Variants in AUTS2 observed in about 807,000 individuals in gnomAD.
The protein encoded by AUTS2 is autism susceptibility gene 2 protein.
Under a neutral mutation model 112.4 loss-of-function variants are expected in AUTS2, and 17 were observed. The ratio of observed to expected loss-of-function variants is 0.15; its 90% CI spans 0.10 to 0.23. The LOEUF (loss-of-function observed/expected upper bound fraction) is 0.23. Ranked by LOEUF, AUTS2 falls within the 10% of genes least tolerant of loss-of-function variation. The pLI is 1.00. For missense variants in AUTS2, 1,510 were observed against 1,701.6 expected (o/e 0.89, Z 1.98); for synonymous variants, 751 against 702.7 (o/e 1.07, Z -1.09).
At chr7:70,326,559 T>C (rs928183449) in intron 4 of AUTS2, among the ~76,000 whole-genome samples, 1 of 152,202 alleles carries the variant, frequency 6.6e-6, no homozygotes, top group African/African-American at 2.4e-5. Context: ...GGGCTAAGGT[T>C]GGTCATGGCT....
intron 5 of AUTS2, among the ~76,000 whole-genome samples, chr7:70,475,085 G>A (rs1031479695): frequency 2.0e-5 from 3 of 152,160 alleles, no homozygotes; most frequent in Non-Finnish European, 4.4e-5. Context: ...TCTGCCCAGG[G>A]GCCTGGCATG....
rs75586708 is a variant in AUTS2, at chr7:70,638,507, C to T, written c.691-60062C>T. On this transcript the variant is annotated intron_variant, in intron 5 of 18. Coordinates refer to ENST00000342771, the MANE Select transcript of AUTS2 (RefSeq NM_015570.4). ...CAAATGAACTTTTCAAGAATTATGC[C>T]GTCGTTGGCATTACAGTATTACACA... is the stretch of plus-strand genomic sequence containing the variant. Among the ~76,000 whole-genome samples, 876 of 152,106 alleles carry T rather than the reference C, an allele frequency of 5.8e-3. 9 individuals carry two copies. The highest frequency in any genetic ancestry group is 0.02 in the African/African-American group (820 of 41,492).
At chr7:70,420,839 G>A (rs1320035658) in intron 4 of AUTS2, among the ~76,000 whole-genome samples, 2 of 152,206 alleles carry the variant, frequency 1.3e-5, no homozygotes, top group African/African-American at 2.4e-5. Context: ...TGTCTTGATC[G>A]TGGTGATGGC....
At chr7:70,668,191 C>T (rs1807445763) in intron 5 of AUTS2, among the ~76,000 whole-genome samples, 1 of 152,208 alleles carries the variant, frequency 6.6e-6, no homozygotes, top group Admixed American at 6.5e-5. Flanking sequence ...GTTGGCTAGG[C>T]TGGTCTTGAA....
At chr7:70,581,173 G>A (rs930155320) in intron 5 of AUTS2, among the ~76,000 whole-genome samples, 9 of 152,024 alleles carry the variant, frequency 5.9e-5, no homozygotes, top group Non-Finnish European at 1.3e-4. Flanking sequence ...ACCTGAGGTC[G>A]GGAGTTCGAG....
At chr7:70,303,422 ACG>A (rs776005782) in intron 4 of AUTS2, among the ~76,000 whole-genome samples, 1,447 of 125,708 alleles carry the variant, frequency 0.012, 10 homozygotes, top group African/African-American at 0.02. Context: ...GCACACACAC[ACG>A]CGCGCGCGCG....
chr7:69,748,477 A>G (rs1406289067), intron 1 of AUTS2, among the ~76,000 whole-genome samples: 1 of 152,216 alleles, frequency 6.6e-6, no homozygotes, highest in Non-Finnish European at 1.5e-5. Flanking sequence ...TGAAAAAGCC[A>G]TTGATTAACA....
intron 2 of AUTS2, among the ~76,000 whole-genome samples, chr7:70,063,636 T>C (rs1417173822): frequency 6.6e-6 from 1 of 152,200 alleles, no homozygotes; most frequent in Non-Finnish European, 1.5e-5. Context: ...GTCTTAGATG[T>C]CTAACACAGC....
chr7:70,238,234 G>A (rs533574226), intron 4 of AUTS2, among the ~76,000 whole-genome samples: 1 of 152,262 alleles, frequency 6.6e-6, no homozygotes, highest in Non-Finnish European at 1.5e-5. Context: ...GACCTAAACT[G>A]AAAATGGAAT....
intron 4 of AUTS2, among the ~76,000 whole-genome samples, chr7:70,403,527 A>G (rs1166347110): frequency 6.6e-6 from 1 of 152,184 alleles, no homozygotes; most frequent in Non-Finnish European, 1.5e-5. Flanking sequence ...GTGGCCAACA[A>G]CCTGCCTTCC....
intron 5 of AUTS2, among the ~76,000 whole-genome samples, chr7:70,605,812 C>G (rs1323911124): frequency 6.6e-6 from 1 of 152,076 alleles, no homozygotes; most frequent in Non-Finnish European, 1.5e-5. Context: ...GTTCAAAGGA[C>G]AAAGAGAAGA....
At chr7:70,535,278 C>T (rs1218042450) in intron 5 of AUTS2, among the ~76,000 whole-genome samples, 1 of 152,012 alleles carries the variant, frequency 6.6e-6, no homozygotes, top group Admixed American at 6.6e-5. Context: ...CTTGGTGCCT[C>T]TTATATTTTT....
intron 2 of AUTS2, among the ~76,000 whole-genome samples, chr7:70,069,688 C>T (rs1309335769): frequency 1.4e-5 from 2 of 147,634 alleles, no homozygotes; most frequent in Non-Finnish European, 1.5e-5. Flanking sequence ...CAAATTCTAT[C>T]AAAGGCCATG....
At chr7:70,546,696 A>T (rs1286830371) in intron 5 of AUTS2, among the ~76,000 whole-genome samples, 1 of 146,790 alleles carries the variant, frequency 6.8e-6, no homozygotes, top group Non-Finnish European at 1.5e-5. Flanking sequence ...GGAGAATGGC[A>T]TGAACCCGGG....
intron 4 of AUTS2, among the ~76,000 whole-genome samples, chr7:70,176,271 A>G (rs1482847579): frequency 6.6e-6 from 1 of 152,242 alleles, no homozygotes; most frequent in African/African-American, 2.4e-5. Context: ...TATTGTTAGT[A>G]TAATAATTAT....
chr7:69,907,031 C>T (rs568178699), intron 2 of AUTS2, among the ~76,000 whole-genome samples: 1 of 152,180 alleles, frequency 6.6e-6, no homozygotes, highest in African/African-American at 2.4e-5. Context: ...TGCAAGGGCC[C>T]AGGAAGTTAA....
intron 2 of AUTS2, among the ~76,000 whole-genome samples, chr7:70,016,455 A>G (rs1371633451): frequency 6.6e-6 from 1 of 152,042 alleles, no homozygotes; most frequent in Non-Finnish European, 1.5e-5. Flanking sequence ...GTGATTCTGA[A>G]GATAAACCCA....
intron 8 of AUTS2, among the ~76,000 whole-genome samples, chr7:70,765,365 G>A (rs963130755): frequency 2.0e-5 from 3 of 152,154 alleles, no homozygotes; most frequent in African/African-American, 4.8e-5. Flanking sequence ...TGTCTGTCTC[G>A]CTCCAGGATC....
chr7:70,765,543 G>A (rs941537244), intron 8 of AUTS2, among the ~76,000 whole-genome samples: 3 of 152,158 alleles, frequency 2.0e-5, no homozygotes, highest in Non-Finnish European at 4.4e-5. Flanking sequence ...GTGTTAATCA[G>A]GTCAAGCGTC....
Sources: gnomAD v4.1 joint callset for allele counts (sites outside exome capture counted in the v4.1 genomes callset) on GRCh38, gnomAD v4.1.1 for gene constraint, MANE v1.5 for transcripts, NCBI Gene and HGNC (gene_info 2026-07-23, HGNC 2026-07-21) for gene names.